Variants in PLEKHA7 observed in about 807,000 individuals in gnomAD.
The protein encoded by PLEKHA7 is pleckstrin homology domain-containing family A member 7.
A neutral mutation model predicts 170.0 loss-of-function variants in PLEKHA7; 104 were observed. That is an observed-to-expected ratio of 0.61 (90% CI 0.52 to 0.72). The LOEUF (loss-of-function observed/expected upper bound fraction) is 0.72. Among genes scored for constraint, PLEKHA7 ranks in the 30% least tolerant of loss-of-function variants. PLEKHA7 has a pLI of 0.00. For synonymous variants in PLEKHA7, 648 were observed against 660.8 expected, an observed-to-expected ratio of 0.98 and a Z score of 0.30; for missense variants, 1,615 against 1,671.7, an observed-to-expected ratio of 0.97 and a Z score of 0.59.
At chr11:16,898,032 T>TC (rs1291919525) in intron 3 of PLEKHA7, among the ~76,000 whole-genome samples, 37 of 152,300 alleles carry the variant, frequency 2.4e-4, no homozygotes, top group Admixed American at 2.3e-3. Flanking sequence ...CCTTTTTTTT[T>TC]CTGACTGATG....
At chr11:16,813,331 G>C in intron 12 of PLEKHA7, 165 bp from the exon 13 acceptor site, 1 of 522,582 alleles carries the variant, frequency 1.9e-6, no homozygotes. Flanking sequence ...TCTCGGTGCA[G>C]CTGAGAGCCG....
At chr11:16,972,528 G>A (rs995691363) in intron 3 of PLEKHA7, among the ~76,000 whole-genome samples, 1 of 152,008 alleles carries the variant, frequency 6.6e-6, no homozygotes, top group South Asian at 2.1e-4. Flanking sequence ...TTCCTGCCTC[G>A]GCTTCTCAAG....
intron 4 of PLEKHA7, among the ~76,000 whole-genome samples, chr11:16,859,707 A>G (rs978090575): frequency 7.2e-5 from 11 of 152,212 alleles, no homozygotes; most frequent in Admixed American, 7.2e-4. Flanking sequence ...TACTCTGCTG[A>G]TGAGTCTCAC....
chr11:16,981,442 G>A (rs1863420848), intron 3 of PLEKHA7, among the ~76,000 whole-genome samples: 1 of 152,160 alleles, frequency 6.6e-6, no homozygotes, highest in Admixed American at 6.5e-5. Context: ...GTCCACGGAA[G>A]AGAAGAGCTT....
intron 3 of PLEKHA7, among the ~76,000 whole-genome samples, chr11:16,939,551 A>C (rs927013663): frequency 2.0e-5 from 3 of 152,268 alleles, no homozygotes; most frequent in African/African-American, 7.2e-5. Context: ...CAATTTAAAG[A>C]AAAATACTAC....
intron 9 of PLEKHA7, among the ~76,000 whole-genome samples, chr11:16,833,589 C>A (rs778474165): frequency 6.6e-6 from 1 of 152,128 alleles, no homozygotes; most frequent in Non-Finnish European, 1.5e-5. Context: ...TTTTTAATGG[C>A]CATGGCTTGG....
intron 3 of PLEKHA7, among the ~76,000 whole-genome samples, chr11:16,895,386 G>A (rs1032491517): frequency 6.6e-6 from 1 of 152,118 alleles, no homozygotes; most frequent in African/African-American, 2.4e-5. Flanking sequence ...AAGCATCCTC[G>A]ACTGCACCAT....
intron 4 of PLEKHA7, among the ~76,000 whole-genome samples, chr11:16,863,867 G>T (rs1590382547): frequency 3.5e-5 from 2 of 56,980 alleles, no homozygotes; most frequent in East Asian, 2.3e-3. Context: ...CAGGAAAGAG[G>T]CTTAGAAGGG....
intron 3 of PLEKHA7, among the ~76,000 whole-genome samples, chr11:16,875,959 C>G (rs1855258979): frequency 6.6e-6 from 1 of 152,164 alleles, no homozygotes; most frequent in African/African-American, 2.4e-5. Context: ...CCTCAGTCAG[C>G]TCCTGTGTTC....
chr11:16,810,368 A>T (rs1198304691), intron 13 of PLEKHA7, among the ~76,000 whole-genome samples: 1 of 152,186 alleles, frequency 6.6e-6, no homozygotes, highest in Non-Finnish European at 1.5e-5. Context: ...CTGCCTCCTG[A>T]TCTGGGCCTG....
At chr11:16,950,785 T>C (rs541312258) in intron 3 of PLEKHA7, among the ~76,000 whole-genome samples, 56 of 152,144 alleles carry the variant, frequency 3.7e-4, no homozygotes, top group Non-Finnish European at 6.5e-4. Flanking sequence ...CCAAACATTT[T>C]CCCCTCATTC....
intron 17 of PLEKHA7, among the ~76,000 whole-genome samples, chr11:16,799,943 AG>A (rs1848476700): frequency 6.6e-6 from 1 of 152,162 alleles, no homozygotes; most frequent in African/African-American, 2.4e-5. Flanking sequence ...GAAAAGCCTC[AG>A]GGCCCACACA....
intron 15 of PLEKHA7, among the ~76,000 whole-genome samples, chr11:16,802,511 T>C (rs11024042): frequency 0.19 from 28,990 of 151,564 alleles, 3,037 homozygotes; most frequent in East Asian, 0.29. Context: ...CTCTATAAGA[T>C]AGAAACCCCT....
At chr11:16,985,711 A>G (rs545133665) in intron 3 of PLEKHA7, among the ~76,000 whole-genome samples, 118 of 152,370 alleles carry the variant, frequency 7.7e-4, no homozygotes, top group African/African-American at 2.7e-3. Flanking sequence ...ATGTGAATCA[A>G]TCAAACATAA....
chr11:17,010,468 T>C (rs1422538800), intron 3 of PLEKHA7, among the ~76,000 whole-genome samples: 1 of 151,934 alleles, frequency 6.6e-6, no homozygotes, highest in Non-Finnish European at 1.5e-5. Context: ...TGGCCAGGCA[T>C]GGTGGCCTGC....
intron 3 of PLEKHA7, among the ~76,000 whole-genome samples, chr11:16,957,701 T>A (rs982306151): frequency 9.7e-5 from 13 of 134,286 alleles, no homozygotes; most frequent in Middle Eastern, 3.5e-3. Context: ...TTTTTTCTTT[T>A]TTTTTTTTTT....
In PLEKHA7 at chr11:16,778,468, G is replaced by A. The variant is rs537262014; in HGVS notation, c.*530C>T. The A allele has an allele frequency of 5.9e-6, 1 of 170,934 alleles. No homozygotes were observed. The allele number at this position is 170,934 out of a possible 1,614,324, so 10.6% of individuals were successfully genotyped here. ...TCACACAGAGCTGGTCATCAGGTCA[G>A]GGACAGCTGATCTCTGCAGCCAAGG... On this transcript the variant is annotated 3_prime_UTR_variant, in exon 27 of 27. Transcript: ENST00000531066.
At chr11:16,999,685 C>T (rs1864549720) in intron 3 of PLEKHA7, among the ~76,000 whole-genome samples, 1 of 152,172 alleles carries the variant, frequency 6.6e-6, no homozygotes, top group South Asian at 2.1e-4. Flanking sequence ...ACTCACAATG[C>T]CTGAGCACCT....
intron 3 of PLEKHA7, chr11:16,974,551 T>A (rs903398515): frequency 2.8e-6 from 1 of 360,352 alleles, no homozygotes; most frequent in African/African-American, 2.1e-5. Context: ...ATTACAATAG[T>A]GCAATTGTCA....
Sources: gnomAD v4.1 joint callset for allele counts (sites outside exome capture counted in the v4.1 genomes callset) on GRCh38, gnomAD v4.1.1 for gene constraint, MANE v1.5 for transcripts, NCBI Gene and HGNC (gene_info 2026-07-23, HGNC 2026-07-21) for gene names.